Variants in SCIN observed in about 807,000 individuals in gnomAD.
SCIN encodes scinderin.
Under a neutral mutation model 91.8 loss-of-function variants are expected in SCIN, and 91 were observed. The observed-to-expected ratio is 0.99, with a 90% CI of 0.84 to 1.18. The LOEUF is 1.18. SCIN is among the 50% of genes most tolerant of loss of function. SCIN has a pLI of 0.00. For missense variants in SCIN, 1,087 were observed against 863.9 expected (o/e 1.26, Z -3.24); for synonymous variants, 367 against 312.6 (o/e 1.17, Z -1.84).
intron 13 of SCIN, among the ~76,000 whole-genome samples, chr7:12,645,075 T>A (rs1783935005): frequency 6.8e-6 from 1 of 147,806 alleles, no homozygotes; most frequent in African/African-American, 2.5e-5. Context: ...ATCCCAGCAC[T>A]TTGGGAAGCT....
At chr7:12,617,752 G>A (rs530727517) in intron 4 of SCIN, among the ~76,000 whole-genome samples, 1 of 152,168 alleles carries the variant, frequency 6.6e-6, no homozygotes, top group Non-Finnish European at 1.5e-5. Flanking sequence ...AGGCCTAGAA[G>A]GCTTTTCAAA....
intron 1 of SCIN, among the ~76,000 whole-genome samples, chr7:12,577,258 A>G (rs1392459893): frequency 6.6e-6 from 1 of 152,206 alleles, no homozygotes; most frequent in African/African-American, 2.4e-5. Flanking sequence ...AAAAAGACCA[A>G]AAAATAGGGG....
intron 3 of SCIN, among the ~76,000 whole-genome samples, chr7:12,585,856 C>T (rs751514421): frequency 6.6e-6 from 1 of 152,204 alleles, no homozygotes; most frequent in Non-Finnish European, 1.5e-5. Context: ...CTAGAATACT[C>T]GCCTCTTATT....
intron 1 of SCIN, 55 bp downstream of exon 1, chr7:12,571,040 C>G: frequency 6.7e-7 from 1 of 1,496,886 alleles, no homozygotes; most frequent in Non-Finnish European, 9.0e-7. Flanking sequence ...GAGGGGAGGG[C>G]GTAGGGGTCT....
chr7:12,623,474 C>T (rs898920335), intron 5 of SCIN, among the ~76,000 whole-genome samples: 4 of 152,190 alleles, frequency 2.6e-5, no homozygotes, highest in Non-Finnish European at 4.4e-5. Context: ...TATTCTTATG[C>T]ACACACAACA....
chr7:12,615,002 T>C (rs1003995888), intron 4 of SCIN, among the ~76,000 whole-genome samples: 7 of 152,174 alleles, frequency 4.6e-5, no homozygotes, highest in African/African-American at 1.7e-4. Flanking sequence ...AGAGAGGCTA[T>C]GTAACTTGCT....
chr7:12,594,926 C>G (rs995865250), intron 3 of SCIN, among the ~76,000 whole-genome samples: 20 of 152,122 alleles, frequency 1.3e-4, no homozygotes, highest in African/African-American at 4.8e-4. Flanking sequence ...ACTCACCCCT[C>G]TCAGAGGCTT....
chr7:12,572,585 G>T (rs1005885498), intron 1 of SCIN, among the ~76,000 whole-genome samples: 11 of 152,188 alleles, frequency 7.2e-5, no homozygotes, highest in South Asian at 4.1e-4. Context: ...CCGCAAGGGA[G>T]ATTTGAACAC....
At chr7:12,592,344 G>A (rs1350938329) in intron 3 of SCIN, among the ~76,000 whole-genome samples, 1 of 152,158 alleles carries the variant, frequency 6.6e-6, no homozygotes, top group Admixed American at 6.5e-5. Flanking sequence ...TTAACAGGGA[G>A]GATAGGGGTG....
In SCIN at chr7:12,629,206, C is replaced by G. The variant is rs1421933559; in HGVS notation, c.1303C>G (p.Gln435Glu). 1 of 1,611,128 alleles carries G rather than the reference C, an allele frequency of 6.2e-7. No homozygotes were observed. Among genetic ancestry groups the G allele is most frequent in the African/African-American group, 1.3e-5 (1 of 74,740 alleles). ...YIILYTYPRG[Q>E]IIYTWQGANA... ...CATACTCTACACCTATCCCAGAGGACAGATTATCTACACGTGGTGAGTTTA... is the reference window on the plus strand; with the variant it reads ...CATACTCTACACCTATCCCAGAGGAGAGATTATCTACACGTGGTGAGTTTA... Residue 435 changes from glutamine (Q) to glutamate (E), a missense_variant, in exon 9 of 16, where the codon CAG becomes GAG. Gln to Glu is a conservative substitution (Grantham distance 29, BLOSUM62 2). Coordinates refer to ENST00000297029, the MANE Select transcript of SCIN (RefSeq NM_001112706.3).
Position 12,578,993 on chromosome 7 carries a change from G to A in SCIN, c.354+775G>A, listed in dbSNP as rs73062637. ...ATTCCTGCCACTCACCCCTCCACAC[G>A]TGTTCAGTTAAAGTGTGAGGAATAC... On this transcript the variant is annotated intron_variant, in intron 2 of 15. Transcript: ENST00000297029. Among the ~76,000 whole-genome samples the A allele has an allele frequency of 9.3e-3, 1,277 of 137,120 alleles. 11 individuals are homozygous for A. The highest frequency in any genetic ancestry group is 0.014 in the Middle Eastern group (3 of 222). 90.0% of individuals were successfully genotyped at this position (137,120 alleles called of 152,430 possible). A position where few individuals can be genotyped will look rare whatever the true frequency, so the allele number is the denominator to read the frequency against.
chr7:12,631,238 C>T (rs1783635765), intron 9 of SCIN, among the ~76,000 whole-genome samples: 1 of 152,154 alleles, frequency 6.6e-6, no homozygotes, highest in Admixed American at 6.5e-5. Flanking sequence ...ATGTGCCAAG[C>T]ATTGTACTAA....
intron 4 of SCIN, among the ~76,000 whole-genome samples, chr7:12,607,984 A>G (rs1019914655): frequency 6.6e-6 from 1 of 152,148 alleles, no homozygotes. Flanking sequence ...TAATAAGCAA[A>G]CGTGAGTAGC....
chr7:12,627,954 C>G (rs1328533716), intron 8 of SCIN, among the ~76,000 whole-genome samples: 1 of 152,024 alleles, frequency 6.6e-6, no homozygotes, highest in Non-Finnish European at 1.5e-5. Context: ...CTGCACTGTT[C>G]CTGTCCACTT....
chr7:12,644,980 A>T (rs945646204), intron 13 of SCIN, among the ~76,000 whole-genome samples: 5 of 106,430 alleles, frequency 4.7e-5, no homozygotes, highest in South Asian at 3.3e-4. Flanking sequence ...GCGCCACTCC[A>T]CTCCACTCCA....
intron 4 of SCIN, among the ~76,000 whole-genome samples, chr7:12,615,317 G>A: frequency 6.6e-6 from 1 of 152,144 alleles, no homozygotes; most frequent in East Asian, 1.9e-4. Flanking sequence ...GACCTGGTGG[G>A]AGGTGATTAG....
At position 12,657,839 on chromosome 7, in the gene SCIN, T is replaced by C. The variant is rs1205797595; in HGVS notation, c.*5124T>C. On this transcript the variant is annotated 3_prime_UTR_variant, in exon 16 of 16. Transcript: ENST00000297029. ...ATGCATTTCATCATGTCTCCATTTC[T>C]TCGGAATGATAATTTCTAATATACT... The C allele has an allele frequency of 6.6e-6, 1 of 151,836 alleles. No homozygotes were observed. Among genetic ancestry groups the C allele is most frequent in the East Asian group, 1.9e-4 (1 of 5,152 alleles). The allele number at this position is 151,836 out of a possible 1,614,324, so 9.4% of individuals were successfully genotyped here.
In SCIN at chr7:12,591,088, G is replaced by A. The variant is rs978052991; in HGVS notation, c.516+9867G>A. ...CATCTATGAATAGTTGATCATCGGG[G>A]TTGGTGAGAGGCTCGGAGGAAATGT... On this transcript the variant is annotated intron_variant, in intron 3 of 15. Coordinates refer to ENST00000297029, the MANE Select transcript of SCIN (RefSeq NM_001112706.3). 2.6e-5 allele frequency among the ~76,000 whole-genome samples: 4 copies of A among 152,282 alleles called. 1 individual carries two copies. In the South Asian group the frequency reaches 6.2e-4, roughly 24 times the overall value.
intron 3 of SCIN, among the ~76,000 whole-genome samples, chr7:12,592,999 A>G: frequency 6.6e-6 from 1 of 152,194 alleles, no homozygotes; most frequent in Non-Finnish European, 1.5e-5. Flanking sequence ...TGGGAGTGCA[A>G]GTGATTCTTC....
Sources: gnomAD v4.1 joint callset for allele counts (sites outside exome capture counted in the v4.1 genomes callset) on GRCh38, gnomAD v4.1.1 for gene constraint, MANE v1.5 for transcripts, NCBI Gene and HGNC (gene_info 2026-07-23, HGNC 2026-07-21) for gene names.